GON4L: variants seen among roughly 807,000 people sequenced by gnomAD.
GON4L encodes the protein GON-4-like protein.
A neutral mutation model predicts 211.8 loss-of-function variants in GON4L; 87 were observed. The ratio of observed to expected loss-of-function variants is 0.41; its 90% CI spans 0.35 to 0.49. The LOEUF is 0.49. Ranked by LOEUF, GON4L falls within the 20% of genes least tolerant of loss-of-function variation. GON4L has a pLI of 0.15. For missense variants in GON4L, 2,155 were observed against 2,659.5 expected (o/e 0.81, Z 4.17); for synonymous variants, 875 against 962.6 (o/e 0.91, Z 1.68).
At chr1:155,813,855 G>GAA in intron 9 of GON4L, 51 bp from the exon 10 acceptor site, 1 of 1,528,816 alleles carries the variant, frequency 6.5e-7, no homozygotes. Flanking sequence ...AAGAAAGAAA[G>GAA]AGAAAGCAAA....
chr1:155,833,571 G>A (rs559394959), intron 2 of GON4L, among the ~76,000 whole-genome samples: 4 of 140,482 alleles, frequency 2.8e-5, no homozygotes, highest in Non-Finnish European at 6.2e-5. Context: ...GCGTGAACCC[G>A]GGAGGTGGAG....
In GON4L at chr1:155,754,173, T is replaced by G. The variant is rs530768996; in HGVS notation, c.5631+202A>C. On this transcript the variant is annotated intron_variant, in intron 28 of 31. Transcript: ENST00000368331. ...TTTTGTTTTTCCAATTCCAAAAGCT[T>G]TACTCACAGAATTCTCTTTAAAAAA... is the stretch of plus-strand genomic sequence containing the variant. The G allele has an allele frequency of 1.3e-5, 8 of 629,362 alleles. No individual in the cohort carries two copies. The South Asian group carries it at 1.4e-4, about 11-fold the overall frequency. 39.0% of individuals were successfully genotyped at this position (629,362 alleles called of 1,614,324 possible). A position where few individuals can be genotyped will look rare whatever the true frequency, so the allele number is the denominator to read the frequency against.
chr1:155,761,173 T>C (rs1661752512), intron 23 of GON4L, among the ~76,000 whole-genome samples: 2 of 142,048 alleles, frequency 1.4e-5, no homozygotes, highest in Admixed American at 7.0e-5. Flanking sequence ...AGCTTATGTG[T>C]GGTTTTTTTT....
chr1:155,813,457 A>C (rs200819079), intron 10 of GON4L, among the ~76,000 whole-genome samples, 177 bp downstream of exon 10: 1 of 151,874 alleles, frequency 6.6e-6, no homozygotes, highest in African/African-American at 2.4e-5. Context: ...AACAAAAAAA[A>C]CCCCAAACTG....
chr1:155,764,185 C>T (rs1011058282), intron 21 of GON4L, among the ~76,000 whole-genome samples: 2 of 151,976 alleles, frequency 1.3e-5, no homozygotes, highest in South Asian at 2.1e-4. Context: ...ATGGTGCAAT[C>T]GTGGCTCACC....
At chr1:155,780,492 C>T (rs1664312372) in intron 14 of GON4L, among the ~76,000 whole-genome samples, 1 of 152,010 alleles carries the variant, frequency 6.6e-6, no homozygotes, top group Admixed American at 6.6e-5. Context: ...ACTTGGGAGG[C>T]TGAGGCAGGA....
At chr1:155,804,790 A>C (rs1273631627) in intron 11 of GON4L, among the ~76,000 whole-genome samples, 159 bp downstream of exon 11, 1 of 152,074 alleles carries the variant, frequency 6.6e-6, no homozygotes, top group Non-Finnish European at 1.5e-5. Context: ...CAGGAAAAAA[A>C]AAAAAAGAAA....
At chr1:155,820,429 T>A (rs1392179829) in intron 6 of GON4L, among the ~76,000 whole-genome samples, 177 bp downstream of exon 6, 1 of 152,216 alleles carries the variant, frequency 6.6e-6, no homozygotes. Flanking sequence ...TCTACTAAAA[T>A]AAACTATGAT....
At position 155,765,453 on chromosome 1, in the gene GON4L, A is replaced by G. The variant is rs371983451; in HGVS notation, c.4020T>C (p.Pro1340=). Residue 1340 remains proline (P), a synonymous_variant, in exon 21 of 32, where the codon CCT becomes CCC. Coordinates refer to ENST00000368331, the MANE Select transcript of GON4L (RefSeq NM_001282860.2). ...EEAREEISGS[P]ERDICDDIKV... is the part of the protein sequence containing the mutation. ...TGATGTCATCACAAATATCACGCTC[A>G]GGGGATCCACTGATTTCCTCTCTAG... The G allele has an allele frequency of 8.1e-6, 13 of 1,614,054 alleles. No homozygotes were observed. The African/African-American group carries it at 1.3e-4, about 17-fold the overall frequency.
At position 155,766,542 on chromosome 1, in the gene GON4L, T is replaced by A; in HGVS notation, c.2931A>T (p.Val977=). 1 of 1,614,028 alleles carries A rather than the reference T, an allele frequency of 6.2e-7. No homozygotes were observed. The highest frequency in any genetic ancestry group is 8.5e-7 in the Non-Finnish European group (1 of 1,180,020). The change falls in exon 21 of 32, where the codon GTA becomes GTT. Residue 977 remains valine, a synonymous_variant. Transcript: ENST00000368331. The stretch of plus-strand genomic sequence containing the variant: ...TGGCAACTGGCTTCAGTTTCAGGAC[T>A]ACACCCTTAGGCAATAGCAGTGGGT... ...SRYPLLLPKG[V]VLKLKPVATR...
chr1:155,754,520 A>C, intron 27 of GON4L, 32 bp from the exon 28 acceptor site: 1 of 783,554 alleles, frequency 1.3e-6, no homozygotes, highest in Non-Finnish European at 2.1e-6. Context: ...TTAGCTGCCA[A>C]GTTGTTTTTT....
chr1:155,772,592 A>T (rs929898197), intron 18 of GON4L, among the ~76,000 whole-genome samples: 1 of 138,430 alleles, frequency 7.2e-6, no homozygotes, highest in African/African-American at 2.8e-5. Flanking sequence ...CATCTCTACA[A>T]AAAAAAAAAA....
rs1557886087 is a variant in GON4L at position 155,809,981 on chromosome 1, T to TAC, written c.1452+3652_1452+3653insGT. On this transcript the variant is annotated intron_variant, in intron 10 of 31. Transcript: ENST00000368331. The stretch of plus-strand genomic sequence containing the variant: ...TATACATATATAATTATAAATTATA[T>TAC]ATATATATAATTATATATATATATA... Among the ~76,000 whole-genome samples the TAC allele has an allele frequency of 8.8e-4, 60 of 68,362 alleles. 2 individuals are homozygous for TAC. Among genetic ancestry groups the TAC allele is most frequent in the African/African-American group, 1.9e-3 (38 of 20,114 alleles). The allele number at this position is 68,362 out of a possible 152,430, so 44.8% of individuals were successfully genotyped here.
rs750793018 is a variant in GON4L at position 155,765,962 on chromosome 1, C to T, written c.3511G>A (p.Val1171Met). Residue 1171 changes from valine to methionine, a missense_variant, in exon 21 of 32, where the codon GTG becomes ATG. By Grantham distance (21) the Val-to-Met change is conservative. Around this residue, in one of 6 missense-constraint regions of GON4L, gnomAD observed 615 missense variants for 625.7 expected, o/e 0.98. Transcript: ENST00000368331. ...CNMIQPVNAA[V>M]AQSPQTIPIT... ...GGAATAGTCTGGGGACTCTGGGCCA[C>T]AGCCGCATTGACAGGCTGGATCATG... The T allele has an allele frequency of 5.6e-6, 9 of 1,614,176 alleles. No individual in the cohort carries two copies. Among genetic ancestry groups the T allele is most frequent in the Admixed American group, 1.7e-5 (1 of 60,024 alleles).
chr1:155,767,130 T>C (rs1662597497), intron 20 of GON4L: 3 of 689,712 alleles, frequency 4.3e-6, no homozygotes, highest in East Asian at 2.7e-5. Context: ...TCAAGGCATC[T>C]TTCCAAGAAG....
intron 11 of GON4L, among the ~76,000 whole-genome samples, chr1:155,795,908 G>A (rs1160972257): frequency 6.6e-6 from 1 of 152,142 alleles, no homozygotes; most frequent in Non-Finnish European, 1.5e-5. Context: ...AAAGTGCTGA[G>A]ATTACAGTGT....
intron 6 of GON4L, among the ~76,000 whole-genome samples, chr1:155,818,697 T>C (rs1370296058): frequency 6.6e-6 from 1 of 152,170 alleles, no homozygotes; most frequent in East Asian, 1.9e-4. Context: ...GAGTCTTCTT[T>C]TGGCATACTT....
intron 11 of GON4L, among the ~76,000 whole-genome samples, chr1:155,804,267 G>C (rs1666940375): frequency 6.6e-6 from 1 of 152,036 alleles, no homozygotes; most frequent in South Asian, 2.1e-4. Context: ...CAGCTACTTG[G>C]GAGGCTGAGA....
At chr1:155,835,781 T>TGA (rs1280206239) in intron 2 of GON4L, among the ~76,000 whole-genome samples, 2 of 152,340 alleles carry the variant, frequency 1.3e-5, no homozygotes, top group East Asian at 3.9e-4. Flanking sequence ...CTAATAAACT[T>TGA]ACTTTCAATT....
Sources: allele counts gnomAD v4.1 joint callset (sites outside exome capture counted in the v4.1 genomes callset), GRCh38; gene constraint gnomAD v4.1.1; regional missense constraint gnomAD v4.1.1; transcripts MANE v1.5; gene names NCBI Gene and HGNC (gene_info 2026-07-23, HGNC 2026-07-21).